The following GINS2 variants were observed in gnomAD, a reference collection of about 807,000 sequenced individuals.
The protein encoded by GINS2 is GINS complex subunit 2, also known as DNA replication complex GINS protein PSF2.
In GINS2, 23 loss-of-function variants were observed where a neutral mutation model predicts 21.2. The ratio of observed to expected loss-of-function variants is 1.08; its 90% confidence interval spans 0.78 to 1.53. The LOEUF (loss-of-function observed/expected upper bound fraction) is 1.53. Ranked by LOEUF, GINS2 falls within the 40% of genes most tolerant of loss-of-function variation. The pLI is 0.00. For synonymous variants in GINS2, 118 were observed against 85.6 expected (o/e 1.38, Z -2.09); for missense variants, 323 against 233.9 (o/e 1.38, Z -2.49).
Position 85,677,462 on chromosome 16 carries a change from A to G in GINS2, c.*750T>C, listed in dbSNP as rs2053687550. The G allele has an allele frequency of 6.6e-6, 1 of 152,192 alleles. No homozygotes were observed. Among genetic ancestry groups the G allele is most frequent in the South Asian group, 2.1e-4 (1 of 4,824 alleles). 9.4% of individuals were successfully genotyped at this position (152,192 alleles called of 1,614,324 possible). A position where few individuals can be genotyped will look rare whatever the true frequency, so the allele number is the denominator to read the frequency against. ...ATACATTGTCACTCATGCTCAATACATTGGATTCGTTTTTTTCCTGACTCT... is the reference window on the plus strand; with the variant it reads ...ATACATTGTCACTCATGCTCAATACGTTGGATTCGTTTTTTTCCTGACTCT... On this transcript the variant is annotated 3_prime_UTR_variant, in exon 5 of 5. Transcript: ENST00000253462.
chr16:85,685,685 A>AAAAAAAAACAAAAAAAAAAAAAC (rs56405044), intron 2 of GINS2, among the ~76,000 whole-genome samples: 1 of 120,900 alleles, frequency 8.3e-6, no homozygotes, highest in Non-Finnish European at 1.9e-5. Context: ...AAAAAAAAAA[A>AAAAAAAAACAAAAAAAAAAAAAC]AAAAAACCGT....
rs2053696986 is a variant in GINS2 at position 85,678,013 on chromosome 16, A to C, written c.*199T>G. On this transcript the variant is annotated 3_prime_UTR_variant, in exon 5 of 5. Transcript: ENST00000253462. ...GGCTGGTTTCTAGAAACAGATGTGG[A>C]ATTGAAGAATGTCCCAGGGAGCTAA... The C allele has an allele frequency of 2.0e-6, 1 of 508,964 alleles. No individual in the cohort carries two copies. Among genetic ancestry groups the C allele is most frequent in the African/African-American group, 2.0e-5 (1 of 50,868 alleles). 31.5% of individuals were successfully genotyped at this position (508,964 alleles called of 1,614,324 possible).
intron 3 of GINS2, among the ~76,000 whole-genome samples, chr16:85,679,476 T>C (rs2053714176): frequency 3.9e-5 from 6 of 152,248 alleles, no homozygotes; most frequent in Non-Finnish European, 1.5e-5. Flanking sequence ...TATGCTACAA[T>C]TAATTCCTGA....
Position 85,688,928 on chromosome 16 carries a change from C to T in GINS2, c.-30G>A, listed in dbSNP as rs992707075. ...GCGCGAGCTGCAGGCCAGAGCCTCA[C>T]GGTCTCCTCGGGCCCCTCAGCGTCC... On this transcript the variant is annotated 5_prime_UTR_variant, in exon 1 of 5. It adds an upstream start codon to the 5' untranslated region. Transcript: ENST00000253462. The T allele has an allele frequency of 2.7e-6, 4 of 1,470,488 alleles. No homozygotes were observed. The highest frequency in any genetic ancestry group is 1.2e-5 in the South Asian group (1 of 80,906). 91.1% of individuals were successfully genotyped at this position (1,470,488 alleles called of 1,614,324 possible).
At chr16:85,678,464 A>T in intron 4 of GINS2, 76 bp downstream of exon 4, 1 of 1,567,186 alleles carries the variant, frequency 6.4e-7, no homozygotes, top group Middle Eastern at 2.3e-4. Context: ...CCTGCCTGTA[A>T]TAGCCTCAGC....
chr16:85,684,748 A>G (rs1220821252), intron 2 of GINS2, among the ~76,000 whole-genome samples: 2 of 150,676 alleles, frequency 1.3e-5, no homozygotes, highest in Non-Finnish European at 1.5e-5. Flanking sequence ...AAAATGACAT[A>G]CTAGATTATT....
At chr16:85,679,969 A>T (rs958028596) in intron 3 of GINS2, among the ~76,000 whole-genome samples, 2 of 152,140 alleles carry the variant, frequency 1.3e-5, no homozygotes, top group Admixed American at 6.5e-5. Context: ...CTGCCTGAGC[A>T]TATCAGTTCC....
chr16:85,684,574 T>C (rs1307614558), intron 2 of GINS2, among the ~76,000 whole-genome samples: 2 of 151,762 alleles, frequency 1.3e-5, no homozygotes, highest in Admixed American at 6.6e-5. Context: ...TGAACAAATA[T>C]GTAGTATGGA....
At chr16:85,685,685 A>AAAAAAAAAACAAAAAAAAAAAAAAAAAAC (rs56405044) in intron 2 of GINS2, among the ~76,000 whole-genome samples, 1 of 120,900 alleles carries the variant, frequency 8.3e-6, no homozygotes, top group Non-Finnish European at 1.9e-5. Flanking sequence ...AAAAAAAAAA[A>AAAAAAAAAACAAAAAAAAAAAAAAAAAAC]AAAAAACCGT....
intron 3 of GINS2, among the ~76,000 whole-genome samples, chr16:85,680,736 G>C (rs1264643831): frequency 6.6e-6 from 1 of 152,216 alleles, no homozygotes; most frequent in African/African-American, 2.4e-5. Context: ...AGGTGAGCAG[G>C]GGCAGGGAAA....
chr16:85,681,514 G>A (rs73253274), intron 3 of GINS2, 68 bp downstream of exon 3: 6 of 907,482 alleles, frequency 6.6e-6, no homozygotes, highest in Admixed American at 4.2e-5. Flanking sequence ...GAGGAAGGAC[G>A]AGGGTTAGGG....
chr16:85,686,959 C>G (rs2053782590), intron 2 of GINS2, among the ~76,000 whole-genome samples: 1 of 152,248 alleles, frequency 6.6e-6, no homozygotes, highest in South Asian at 2.1e-4. Context: ...GGCACAGTGG[C>G]TCACGCCTAT....
At position 85,687,587 on chromosome 16, in the gene GINS2, A is replaced by C. The variant is rs990493642; in HGVS notation, c.91-13T>G. 6.9e-7 allele frequency: 1 copy of C among 1,444,942 alleles called. No homozygotes were observed. Among genetic ancestry groups the C allele is most frequent in the African/African-American group, 1.4e-5 (1 of 69,798 alleles). 89.5% of individuals were successfully genotyped at this position (1,444,942 alleles called of 1,614,324 possible). ...GCCCCAGGTCCCCCTGCCAAAAGTA[A>C]AACAATTCCCCGTAAGATTGAAAAA... On this transcript the variant is annotated splice_polypyrimidine_tract_variant and intron_variant, in intron 1 of 4. Coordinates refer to ENST00000253462, the MANE Select transcript of GINS2 (RefSeq NM_016095.3).
chr16:85,687,166 A>G (rs1361544213), intron 2 of GINS2, among the ~76,000 whole-genome samples: 1 of 152,264 alleles, frequency 6.6e-6, no homozygotes, highest in East Asian at 1.9e-4. Context: ...GGCTGCATTG[A>G]GCCGAGATTG....
rs1250846800 is a variant in GINS2 at position 85,677,486 on chromosome 16, C to G, written c.*726G>C. On this transcript the variant is annotated 3_prime_UTR_variant, in exon 5 of 5. Coordinates refer to ENST00000253462, the MANE Select transcript of GINS2 (RefSeq NM_016095.3). ...CATTGGATTCGTTTTTTTCCTGACT[C>G]TCCTCTTGATAAGCAACCCATTAAA... is the stretch of plus-strand genomic sequence containing the variant. 1 of 152,164 alleles carries G rather than the reference C, an allele frequency of 6.6e-6. No homozygotes were observed. Among genetic ancestry groups the G allele is most frequent in the African/African-American group, 2.4e-5 (1 of 41,422 alleles). 9.4% of individuals were successfully genotyped at this position (152,164 alleles called of 1,614,324 possible). A position where few individuals can be genotyped will look rare whatever the true frequency, so the allele number is the denominator to read the frequency against.
At chr16:85,679,557 C>T (rs529107515) in intron 3 of GINS2, among the ~76,000 whole-genome samples, 1 of 152,296 alleles carries the variant, frequency 6.6e-6, no homozygotes, top group African/African-American at 2.4e-5. Flanking sequence ...ACATTTAGAT[C>T]TTGTGCTCTC....
At chr16:85,683,507 C>T (rs1021162167) in intron 2 of GINS2, among the ~76,000 whole-genome samples, 1 of 152,252 alleles carries the variant, frequency 6.6e-6, no homozygotes, top group African/African-American at 2.4e-5. Context: ...CAGCCCACAG[C>T]CTGCTCCTGC....
chr16:85,686,855 ATACT>A (rs1295274168), intron 2 of GINS2, among the ~76,000 whole-genome samples: 4 of 152,262 alleles, frequency 2.6e-5, no homozygotes, highest in African/African-American at 9.6e-5. Flanking sequence ...ATGCTAATCT[ATACT>A]TATTTTTAAA....
chr16:85,680,982 C>G (rs889949401), intron 3 of GINS2, among the ~76,000 whole-genome samples: 1 of 152,226 alleles, frequency 6.6e-6, no homozygotes, highest in African/African-American at 2.4e-5. Flanking sequence ...CTTTCAAAGG[C>G]CCCTCTGGCT....
Sources: gnomAD v4.1 joint callset for allele counts (sites outside exome capture counted in the v4.1 genomes callset) on GRCh38, gnomAD v4.1.1 for gene constraint, MANE v1.5 for transcripts, NCBI Gene and HGNC (gene_info 2026-07-23, HGNC 2026-07-21) for gene names.